The following WDR27 variants were observed in gnomAD, a reference collection of about 807,000 sequenced individuals.
The protein encoded by WDR27 is WD repeat domain 27.
A neutral mutation model predicts 114.4 loss-of-function variants in WDR27; 100 were observed. The observed-to-expected ratio is 0.87, with a 90% confidence interval of 0.74 to 1.03. WDR27 has a LOEUF of 1.03. WDR27 is among the 50% of genes least tolerant of loss of function. The pLI, the probability that WDR27 is intolerant of heterozygous loss-of-function variation, is 0.00. For synonymous variants in WDR27, 449 were observed against 423.1 expected (o/e 1.06, Z -0.75); for missense variants, 1,129 against 1,092.9 (o/e 1.03, Z -0.47).
At chr6:169,624,218 C>T (rs902412922) in intron 21 of WDR27, among the ~76,000 whole-genome samples, 20 of 143,122 alleles carry the variant, frequency 1.4e-4, no homozygotes, top group Non-Finnish European at 2.3e-4. Flanking sequence ...GCAGGTGTTC[C>T]GTGTGCGCAT....
intron 25 of WDR27, among the ~76,000 whole-genome samples, chr6:169,503,730 C>T (rs1265393384): frequency 6.6e-6 from 1 of 151,950 alleles, no homozygotes; most frequent in East Asian, 1.9e-4. Context: ...TTCCCACAGC[C>T]ACAGAAAGTA....
At chr6:169,630,299 T>A (rs1228659926) in intron 21 of WDR27, among the ~76,000 whole-genome samples, 2 of 152,224 alleles carry the variant, frequency 1.3e-5, no homozygotes, top group African/African-American at 4.8e-5. Flanking sequence ...TAGATTTACA[T>A]CTACTTTCTT....
In WDR27 at chr6:169,600,876, T is replaced by C. The variant is rs565521024; in HGVS notation, c.2424+1343A>G. ...AAGTGACAGGGAGAATGGAACCAAG[T>C]TGGAAAATACTTTGCCCGATGTTAT... On this transcript the variant is annotated intron_variant, in intron 23 of 25. Transcript: ENST00000448612. 1.7e-3 allele frequency among the ~76,000 whole-genome samples: 255 copies of C among 152,290 alleles called. 3 individuals are homozygous for C. The highest frequency in any genetic ancestry group is 9.8e-3 in the South Asian group (47 of 4,818).
At chr6:169,462,079 T>C (rs1784975613) in intron 25 of WDR27, among the ~76,000 whole-genome samples, 1 of 151,678 alleles carries the variant, frequency 6.6e-6, no homozygotes, top group Non-Finnish European at 1.5e-5. Flanking sequence ...TTACCAAGAC[T>C]GAATCACAAA....
At position 169,637,973 on chromosome 6, in the gene WDR27, C is replaced by T. The variant is rs554246234; in HGVS notation, c.1869+566G>A. Among the ~76,000 whole-genome samples, 20 of 152,278 alleles carry T rather than the reference C, an allele frequency of 1.3e-4. No individual in the cohort carries two copies. In the East Asian group the frequency reaches 1.5e-3, roughly 12 times the overall value. Reference sequence around the variant, plus strand: ...GTGCGTATGTGTATGCATGTATATGCGTCTGTGCCTATTGCATGTGTGTGA... The same window carrying T: ...GTGCGTATGTGTATGCATGTATATGTGTCTGTGCCTATTGCATGTGTGTGA... On this transcript the variant is annotated intron_variant, in intron 18 of 25. Transcript: ENST00000448612.
intron 4 of WDR27, chr6:169,668,919 G>C (rs1329014091): frequency 6.6e-6 from 1 of 152,134 alleles, no homozygotes; most frequent in African/African-American, 2.4e-5. Flanking sequence ...ATACAACTTA[G>C]AATACTGAGT....
intron 16 of WDR27, among the ~76,000 whole-genome samples, chr6:169,647,038 G>T (rs1419853831): frequency 1.3e-5 from 2 of 152,172 alleles, no homozygotes; most frequent in Admixed American, 6.5e-5. Context: ...AGGACTTTGT[G>T]TCCAGCCCCA....
chr6:169,512,311 G>C (rs1317490273), intron 25 of WDR27, among the ~76,000 whole-genome samples: 1 of 152,050 alleles, frequency 6.6e-6, no homozygotes, highest in Non-Finnish European at 1.5e-5. Flanking sequence ...CCAATACTTT[G>C]ATTTGAAATA....
At chr6:169,496,196 A>G (rs559300264) in intron 25 of WDR27, among the ~76,000 whole-genome samples, 1 of 152,126 alleles carries the variant, frequency 6.6e-6, no homozygotes, top group South Asian at 2.1e-4. Flanking sequence ...GCAGGAAAAA[A>G]CACACGATTA....
At chr6:169,618,825 T>C (rs918237819) in intron 21 of WDR27, among the ~76,000 whole-genome samples, 6 of 152,162 alleles carry the variant, frequency 3.9e-5, no homozygotes, top group African/African-American at 1.2e-4. Context: ...CACATGGCTA[T>C]GGTTAGTTTG....
Position 169,688,793 on chromosome 6 carries a change from C to T in WDR27, c.189+24G>A, listed in dbSNP as rs373045763. On this transcript the variant is annotated intron_variant, in intron 2 of 25. Transcript: ENST00000448612. ...AGACAAGGGCAAGGCCTTCATGACA[C>T]TGGACATGTAACTCGTTCAATACCT... is the stretch of plus-strand genomic sequence containing the variant. The T allele has an allele frequency of 4.7e-5, 74 of 1,565,952 alleles. No homozygotes were observed. In the Middle Eastern group the frequency reaches 8.5e-4, roughly 18 times the overall value.
chr6:169,683,450 C>G (rs1782063208), intron 2 of WDR27, among the ~76,000 whole-genome samples: 1 of 151,924 alleles, frequency 6.6e-6, no homozygotes, highest in Non-Finnish European at 1.5e-5. Flanking sequence ...CATACTGTAC[C>G]TGGAGAAACT....
chr6:169,576,056 T>C lies in WDR27; in HGVS notation c.2524-3516A>G, dbSNP rs1802277044. On this transcript the variant is annotated intron_variant, in intron 24 of 25. Coordinates refer to ENST00000448612, the MANE Select transcript of WDR27 (RefSeq NM_182552.5). The stretch of plus-strand genomic sequence containing the variant: ...GGAAAAACTGCATACTGCAAAGCTT[T>C]TGGAGTAACGGGCCTGCTTTAGATA... 5.2e-5 allele frequency among the ~76,000 whole-genome samples: 5 copies of C among 96,698 alleles called. No homozygotes were observed. The Admixed American group carries it at 5.6e-4, about 11-fold the overall frequency. The allele number at this position is 96,698 out of a possible 152,430, so 63.4% of individuals were successfully genotyped here.
At chr6:169,578,414 T>C (rs935385079) in intron 24 of WDR27, among the ~76,000 whole-genome samples, 7 of 152,238 alleles carry the variant, frequency 4.6e-5, no homozygotes, top group South Asian at 2.1e-4. Context: ...TTTGGATGAA[T>C]GGCAAGTCTA....
At chr6:169,565,176 A>T (rs1474726873) in intron 25 of WDR27, among the ~76,000 whole-genome samples, 1 of 152,204 alleles carries the variant, frequency 6.6e-6, no homozygotes, top group African/African-American at 2.4e-5. Flanking sequence ...AGAGATACCT[A>T]GTACTCCCTT....
chr6:169,462,311 C>A (rs946393939), intron 25 of WDR27, among the ~76,000 whole-genome samples: 2 of 151,904 alleles, frequency 1.3e-5, no homozygotes, highest in African/African-American at 4.8e-5. Flanking sequence ...GTGGCACGTG[C>A]CTGTAATCCC....
intron 25 of WDR27, among the ~76,000 whole-genome samples, chr6:169,477,368 T>C (rs1371917671): frequency 1.3e-5 from 2 of 152,260 alleles, no homozygotes; most frequent in Non-Finnish European, 2.9e-5. Context: ...GTAATTCTTA[T>C]ATATCCCTCT....
In WDR27 at chr6:169,658,959, T is replaced by A. The variant is rs149420737; in HGVS notation, c.1319+127A>T. ...GCCTCGGCCTCCCAAAGTGCTGGGA[T>A]TATAGGCGTGAGCCACCGCGCCCGG... On this transcript the variant is annotated intron_variant, in intron 12 of 25. Transcript: ENST00000448612. The A allele has an allele frequency of 4.8e-4, 642 of 1,327,154 alleles. 6 individuals carry two copies. In the African/African-American group the frequency reaches 8.7e-3, roughly 18 times the overall value. 82.2% of individuals were successfully genotyped at this position (1,327,154 alleles called of 1,614,324 possible). A position where few individuals can be genotyped will look rare whatever the true frequency, so the allele number is the denominator to read the frequency against.
intron 25 of WDR27, among the ~76,000 whole-genome samples, chr6:169,563,472 G>A (rs1445609548): frequency 3.3e-5 from 5 of 152,138 alleles, no homozygotes; most frequent in East Asian, 3.9e-4. Flanking sequence ...ACTAACATCC[G>A]TGAGTCTCTA....
Sources: allele counts gnomAD v4.1 joint callset (sites outside exome capture counted in the v4.1 genomes callset), GRCh38; gene constraint gnomAD v4.1.1; transcripts MANE v1.5; gene names NCBI Gene and HGNC (gene_info 2026-07-23, HGNC 2026-07-21).